ARL13B: variants seen among roughly 807,000 people sequenced by gnomAD.
ARL13B encodes ARF like GTPase 13B.
Under a neutral mutation model 56.1 loss-of-function variants are expected in ARL13B, and 36 were observed. The ratio of observed to expected loss-of-function variants is 0.64; its 90% confidence interval spans 0.49 to 0.85. ARL13B has a LOEUF of 0.85. Among genes scored for constraint, ARL13B ranks in the 40% least tolerant of loss-of-function variants. The pLI, the probability that ARL13B is intolerant of heterozygous loss-of-function variation, is 0.00. For synonymous variants in ARL13B, 178 were observed against 171.1 expected (o/e 1.04, Z -0.32); for missense variants, 519 against 507.1 (o/e 1.02, Z -0.23).
intron 6 of ARL13B, among the ~76,000 whole-genome samples, chr3:94,041,326 A>C (rs1046143479): frequency 2.0e-5 from 3 of 152,308 alleles, no homozygotes; most frequent in Admixed American, 6.5e-5. Flanking sequence ...TGAGAGAAAA[A>C]AATAATAGAA....
Position 93,983,947 on chromosome 3 carries a change from G to A in ARL13B, c.59+3465G>A, listed in dbSNP as rs139429531. On this transcript the variant is annotated intron_variant, in intron 1 of 9. Transcript: ENST00000394222. ...CTTCCAAAAAACTTAATTACTAATAGCCTCCTGTTGACTAGAAGCCTTACT... is the reference window on the plus strand; with the variant it reads ...CTTCCAAAAAACTTAATTACTAATAACCTCCTGTTGACTAGAAGCCTTACT... 2.0e-5 allele frequency among the ~76,000 whole-genome samples: 3 copies of A among 152,250 alleles called. No individual in the cohort carries two copies. In the East Asian group the frequency reaches 5.8e-4, roughly 29 times the overall value.
intron 7 of ARL13B, among the ~76,000 whole-genome samples, chr3:94,047,500 ATAAC>A (rs982476252): frequency 2.2e-4 from 33 of 152,354 alleles, no homozygotes; most frequent in African/African-American, 7.0e-4. Context: ...AACTATAATA[ATAAC>A]TAACATTATA....
intron 3 of ARL13B, among the ~76,000 whole-genome samples, chr3:94,029,342 T>TTTATTTA (rs1559997811): frequency 9.9e-6 from 1 of 101,334 alleles, no homozygotes; most frequent in African/African-American, 4.6e-5. Flanking sequence ...ATATTTATTT[T>TTTATTTA]TTTTTTATTT....
chr3:93,980,442 A>C lies in ARL13B; in HGVS notation c.19A>C (p.Ser7Arg). 3 of 1,612,756 alleles carry C rather than the reference A, an allele frequency of 1.9e-6. No individual in the cohort carries two copies. Among genetic ancestry groups the C allele is most frequent in the African/African-American group, 1.3e-5 (1 of 75,056 alleles). ...ACCCGGGATGTTCAGTCTGATGGCC[A>C]GTTGCTGCGGCTGGTTCAAGCGGTG... The part of the protein sequence containing the change: MFSLMA[S>R]CCGWFKRWRE... Residue 7 changes from serine to arginine, a missense_variant, in exon 1 of 10, where the codon AGT becomes CGT. By Grantham distance (110) the Ser-to-Arg change is moderately radical. Coordinates refer to ENST00000394222, the MANE Select transcript of ARL13B (RefSeq NM_001174150.2).
At chr3:94,027,601 A>G (rs533603038) in intron 3 of ARL13B, among the ~76,000 whole-genome samples, 2 of 152,222 alleles carry the variant, frequency 1.3e-5, no homozygotes, top group South Asian at 2.1e-4. Context: ...TTTAAAATAC[A>G]TATAAAAGTC....
chr3:94,029,054 T>C (rs565885784), intron 3 of ARL13B, among the ~76,000 whole-genome samples: 7 of 151,828 alleles, frequency 4.6e-5, no homozygotes, highest in African/African-American at 1.7e-4. Context: ...TTTTACTTTT[T>C]ATTATGCCTG....
At chr3:94,030,674 T>C (rs1029095635) in intron 3 of ARL13B, among the ~76,000 whole-genome samples, 3 of 152,170 alleles carry the variant, frequency 2.0e-5, no homozygotes, top group African/African-American at 7.2e-5. Context: ...TAAGTAATTT[T>C]AAAACAGTAT....
Position 94,035,417 on chromosome 3 carries a change from A to C in ARL13B, c.467A>C (p.His156Pro), listed in dbSNP as rs535270384. The C allele has an allele frequency of 6.2e-7, 1 of 1,601,434 alleles. No individual in the cohort carries two copies. The highest frequency in any genetic ancestry group is 1.1e-5 in the South Asian group (1 of 87,262). The change falls in exon 4 of 10, where the codon CAC (histidine) becomes CCC (proline). Residue 156 changes from histidine to proline, a missense_variant. Transcript: ENST00000394222. ...CLSLEKLVNE[H>P]KCLCQIEPCS... ...TCTCTGGAAAAATTGGTCAATGAGCACAAGTGCCTGTGTCAGATAGTAAGG... is the reference window on the plus strand; with the variant it reads ...TCTCTGGAAAAATTGGTCAATGAGCCCAAGTGCCTGTGTCAGATAGTAAGG...
chr3:94,013,428 A>G (rs2076260650), intron 3 of ARL13B, among the ~76,000 whole-genome samples: 1 of 152,218 alleles, frequency 6.6e-6, no homozygotes, highest in South Asian at 2.1e-4. Flanking sequence ...TCTTAAAGTC[A>G]TGGCAAAATA....
intron 2 of ARL13B, among the ~76,000 whole-genome samples, chr3:94,000,692 G>A (rs2076040932): frequency 6.6e-6 from 1 of 151,990 alleles, no homozygotes; most frequent in Non-Finnish European, 1.5e-5. Flanking sequence ...GGGATCAGAA[G>A]ATGGATTTTA....
chr3:94,016,838 G>A (rs1316409254), intron 3 of ARL13B, among the ~76,000 whole-genome samples: 2 of 151,952 alleles, frequency 1.3e-5, no homozygotes, highest in Admixed American at 1.3e-4. Context: ...GTAGAGACAG[G>A]GTTTCACCAT....
chr3:94,003,857 C>T lies in ARL13B; in HGVS notation c.329C>T (p.Ala110Val). 6.2e-7 allele frequency: 1 copy of T among 1,613,578 alleles called. No individual in the cohort carries two copies. Among genetic ancestry groups the T allele is most frequent in the Non-Finnish European group, 8.5e-7 (1 of 1,179,678 alleles). The change falls in exon 3 of 10, where the codon GCT (alanine) becomes GTT (valine). Residue 110 changes from alanine (A) to valine (V), a missense_variant. Ala to Val is a moderately conservative substitution (Grantham distance 64). Transcript: ENST00000394222. ...GAGAGAATGGAAGAGACAAAAGAGG[C>T]TATGTCAGAAATGCTAAGACATCCT... ...DEERMEETKE[A>V]MSEMLRHPRI... is the part of the protein sequence containing the mutation.
At chr3:94,002,742 C>A (rs1445708328) in intron 2 of ARL13B, among the ~76,000 whole-genome samples, 3 of 152,142 alleles carry the variant, frequency 2.0e-5, no homozygotes, top group Non-Finnish European at 4.4e-5. Context: ...ATTTCAGTCA[C>A]CTTAATTATA....
chr3:94,032,520 G>A (rs540444953), intron 3 of ARL13B, among the ~76,000 whole-genome samples: 15 of 151,684 alleles, frequency 9.9e-5, no homozygotes, highest in African/African-American at 2.4e-4. Flanking sequence ...CTTTTGAGAC[G>A]GAGTCTCGCT....
rs760362516 is a variant in ARL13B at position 94,035,406 on chromosome 3, G to A, written c.456G>A (p.Leu152=). ...TTGAATGTCTATCTCTGGAAAAATT[G>A]GTCAATGAGCACAAGTGCCTGTGTC... is the stretch of plus-strand genomic sequence containing the variant. ...DVIECLSLEK[L]VNEHKCLCQI... is the part of the protein sequence containing the mutation. The change falls in exon 4 of 10, where the codon TTG becomes TTA. Residue 152 remains leucine, a synonymous_variant. Coordinates refer to ENST00000394222, the MANE Select transcript of ARL13B (RefSeq NM_001174150.2). 1 of 1,604,634 alleles carries A rather than the reference G, an allele frequency of 6.2e-7. No individual in the cohort carries two copies. Among genetic ancestry groups the A allele is most frequent in the Non-Finnish European group, 8.5e-7 (1 of 1,177,374 alleles).
chr3:94,025,183 G>T (rs2076529512), intron 3 of ARL13B, among the ~76,000 whole-genome samples: 1 of 150,990 alleles, frequency 6.6e-6, no homozygotes, highest in African/African-American at 2.4e-5. Context: ...TTGAATAAAA[G>T]GTACTTTAAG....
chr3:93,995,331 T>TC (rs1559970932), intron 1 of ARL13B, among the ~76,000 whole-genome samples: 5 of 152,112 alleles, frequency 3.3e-5, no homozygotes, highest in African/African-American at 7.2e-5. Flanking sequence ...GTTTTTTTTT[T>TC]CCCCCTGTGG....
intron 6 of ARL13B, among the ~76,000 whole-genome samples, chr3:94,041,479 G>A (rs1401787563): frequency 3.3e-5 from 5 of 152,134 alleles, no homozygotes; most frequent in Non-Finnish European, 7.4e-5. Flanking sequence ...GTCTTTATAT[G>A]TGCTTGGAGG....
At chr3:93,987,007 A>G (rs1710503025) in intron 1 of ARL13B, among the ~76,000 whole-genome samples, 1 of 152,120 alleles carries the variant, frequency 6.6e-6, no homozygotes, top group Non-Finnish European at 1.5e-5. Flanking sequence ...TAATTATCAT[A>G]TTGAAAGTAT....
Sources: allele counts gnomAD v4.1 joint callset (sites outside exome capture counted in the v4.1 genomes callset), GRCh38; gene constraint gnomAD v4.1.1; transcripts MANE v1.5; gene names NCBI Gene and HGNC (gene_info 2026-07-23, HGNC 2026-07-21).